DNAJC11: variants seen among roughly 807,000 people sequenced by gnomAD.
DNAJC11 encodes DnaJ heat shock protein family (Hsp40) member C11, also known as dnaJ homolog subfamily C member 11.
In DNAJC11, 15 loss-of-function variants were observed where a neutral mutation model predicts 78.6. The ratio of observed to expected loss-of-function variants is 0.19; its 90% CI spans 0.13 to 0.29. The LOEUF (loss-of-function observed/expected upper bound fraction) is 0.29. Ranked by LOEUF, DNAJC11 falls within the 10% of genes least tolerant of loss-of-function variation. The pLI is 1.00. For synonymous variants in DNAJC11, 292 were observed against 272.1 expected (o/e 1.07, Z -0.72); for missense variants, 547 against 709.6 (o/e 0.77, Z 2.60).
rs115118838 is a variant in DNAJC11, at chr1:6,690,045, G to A, written c.73-9008C>T. 7.0e-3 allele frequency among the ~76,000 whole-genome samples: 1,059 copies of A among 152,234 alleles called. 12 individuals are homozygous for A. Among genetic ancestry groups the A allele is most frequent in the African/African-American group, 0.024 (1,003 of 41,532 alleles). Reference sequence around the variant, plus strand: ...TTTACAGATAAAAATCCCGAGGATCGGAAAGATCAAGTGACTTATTGAAGA... The same window carrying A: ...TTTACAGATAAAAATCCCGAGGATCAGAAAGATCAAGTGACTTATTGAAGA... On this transcript the variant is annotated intron_variant, in intron 1 of 15. Transcript: ENST00000377577.
intron 1 of DNAJC11, among the ~76,000 whole-genome samples, chr1:6,699,670 G>A (rs187789127): frequency 6.6e-6 from 1 of 152,198 alleles, no homozygotes; most frequent in East Asian, 1.9e-4. Flanking sequence ...GGGTTGATGG[G>A]TGCAGCAAAC....
At chr1:6,686,294 T>A (rs1642655956) in intron 1 of DNAJC11, among the ~76,000 whole-genome samples, 5 of 152,198 alleles carry the variant, frequency 3.3e-5, no homozygotes, top group Admixed American at 3.3e-4. Flanking sequence ...AAAGGAATCC[T>A]AACACCAAAT....
At chr1:6,691,579 G>T (rs917771178) in intron 1 of DNAJC11, among the ~76,000 whole-genome samples, 1 of 152,162 alleles carries the variant, frequency 6.6e-6, no homozygotes, top group Non-Finnish European at 1.5e-5. Context: ...TGTCATTCGT[G>T]TTCATCCGTT....
Position 6,645,169 on chromosome 1 carries a change from G to T in DNAJC11, c.895-43C>A. On this transcript the variant is annotated intron_variant, in intron 8 of 15. Transcript: ENST00000377577. This position sits in a 1 kb window ranked among gnomAD's most constrained non-coding sequence, Gnocchi z 4.1. ...GCAAGGATGCGTGGCTAGGGCGTGTGACTCTGTGGGGAGATGGGTATCTGC... is the reference window on the plus strand; with the variant it reads ...GCAAGGATGCGTGGCTAGGGCGTGTTACTCTGTGGGGAGATGGGTATCTGC... 1 of 1,502,020 alleles carries T rather than the reference G, an allele frequency of 6.7e-7. No homozygotes were observed. The highest frequency in any genetic ancestry group is 1.1e-5 in the South Asian group (1 of 88,554). The allele number at this position is 1,502,020 out of a possible 1,614,324, so 93.0% of individuals were successfully genotyped here.
intron 4 of DNAJC11, among the ~76,000 whole-genome samples, chr1:6,662,849 G>A (rs112303086): frequency 2.0e-5 from 3 of 151,860 alleles, no homozygotes; most frequent in African/African-American, 7.3e-5. Context: ...CAACCTGCTC[G>A]GGTCCCCTTC....
rs1259865619 is a variant in DNAJC11, at chr1:6,680,478, T to C, written c.202+430A>G. The stretch of plus-strand genomic sequence containing the variant: ...TTTCCTATAAGCCTTCTTAACATCA[T>C]TTTCTTTCTTTTATTACAACCGATA... On this transcript the variant is annotated intron_variant, in intron 2 of 15. Transcript: ENST00000377577. The surrounding 1 kb of genome is among the most constrained non-coding windows in gnomAD (Gnocchi z 4.0). 6.6e-6 allele frequency among the ~76,000 whole-genome samples: 1 copy of C among 152,226 alleles called. No homozygotes were observed. The highest frequency in any genetic ancestry group is 1.5e-5 in the Non-Finnish European group (1 of 68,034).
intron 1 of DNAJC11, among the ~76,000 whole-genome samples, chr1:6,685,598 C>T (rs947780633): frequency 6.6e-6 from 1 of 152,172 alleles, no homozygotes; most frequent in Admixed American, 6.5e-5. Flanking sequence ...AATCAGGACT[C>T]ACCTGTATCA....
chr1:6,653,332 C>T lies in DNAJC11; in HGVS notation c.508-381G>A, dbSNP rs1012720544. Among the ~76,000 whole-genome samples, 3 of 152,160 alleles carry T rather than the reference C, an allele frequency of 2.0e-5. No individual in the cohort carries two copies. The highest frequency in any genetic ancestry group is 4.4e-5 in the Non-Finnish European group (3 of 68,030). ...CATGGCTGTATTCTGTATCAACTGA[C>T]TCAGGGAGCTCCAAGAGGGGGCAAA... On this transcript the variant is annotated intron_variant, in intron 5 of 15. Transcript: ENST00000377577. This position sits in a 1 kb window ranked among gnomAD's most constrained non-coding sequence, Gnocchi z 4.5.
chr1:6,693,536 A>C (rs569129663), intron 1 of DNAJC11, among the ~76,000 whole-genome samples: 5 of 151,840 alleles, frequency 3.3e-5, no homozygotes, highest in African/African-American at 1.2e-4. Flanking sequence ...GACGCCCACC[A>C]CCACACCCAG....
chr1:6,696,903 T>C (rs925624711), intron 1 of DNAJC11, among the ~76,000 whole-genome samples: 4 of 152,232 alleles, frequency 2.6e-5, no homozygotes, highest in African/African-American at 9.6e-5. Context: ...ATGAAATTCT[T>C]TCAAAGACAA....
intron 10 of DNAJC11, among the ~76,000 whole-genome samples, chr1:6,640,877 T>C (rs1408010490): frequency 6.6e-6 from 1 of 152,028 alleles, no homozygotes; most frequent in East Asian, 1.9e-4. Context: ...TATTGGTAAT[T>C]AGAGCCCCAG....
intron 1 of DNAJC11, among the ~76,000 whole-genome samples, chr1:6,698,442 C>T (rs1642873548): frequency 6.6e-6 from 1 of 152,122 alleles, no homozygotes; most frequent in African/African-American, 2.4e-5. Flanking sequence ...ACATCACCTT[C>T]AGAGCTTCTA....
At position 6,654,004 on chromosome 1, in the gene DNAJC11, A is replaced by T. The variant is rs1374413039; in HGVS notation, c.414T>A (p.Leu138=). The stretch of plus-strand genomic sequence containing the variant: ...CATACTCCTCATCATAGCGATCAAA[A>T]AGGTCGGTGGCATCTACTCCAACGC... ...TISVGVDATD[L]FDRYDEEYED... Residue 138 remains leucine (L), a synonymous_variant, in exon 5 of 16, where the codon CTT becomes CTA. Coordinates refer to ENST00000377577, the MANE Select transcript of DNAJC11 (RefSeq NM_018198.4). 9.3e-6 allele frequency: 15 copies of T among 1,613,330 alleles called. No homozygotes were observed. Among genetic ancestry groups the T allele is most frequent in the Non-Finnish European group, 1.3e-5 (15 of 1,179,498 alleles).
At chr1:6,668,480 T>C (rs984525051) in intron 3 of DNAJC11, among the ~76,000 whole-genome samples, 1 of 152,148 alleles carries the variant, frequency 6.6e-6, no homozygotes, top group African/African-American at 2.4e-5. Flanking sequence ...GAATCTCAGA[T>C]AACAAATGTT....
At chr1:6,640,140 G>A in intron 10 of DNAJC11, 83 bp from the exon 11 acceptor site, 1 of 1,450,234 alleles carries the variant, frequency 6.9e-7, no homozygotes, top group East Asian at 2.5e-5. Context: ...GTCAGGCACA[G>A]GAAGAGAACT....
At chr1:6,677,184 CGAA>C (rs1642478559) in intron 3 of DNAJC11, among the ~76,000 whole-genome samples, 1 of 131,494 alleles carries the variant, frequency 7.6e-6, no homozygotes, top group Non-Finnish European at 1.7e-5. Flanking sequence ...ACAAAAAAAA[CGAA>C]GGAACTTCAA....
chr1:6,672,515 A>G (rs1252030226), intron 3 of DNAJC11, among the ~76,000 whole-genome samples: 1 of 152,266 alleles, frequency 6.6e-6, no homozygotes, highest in African/African-American at 2.4e-5. Context: ...AAGGTGGCAG[A>G]TCATTCCATT....
intron 11 of DNAJC11, among the ~76,000 whole-genome samples, chr1:6,639,699 C>CA (rs1641844404): frequency 1.3e-5 from 2 of 152,204 alleles, no homozygotes; most frequent in Admixed American, 1.3e-4. Context: ...GAGATAACAG[C>CA]AGTCCAACTA....
At position 6,654,054 on chromosome 1, in the gene DNAJC11, C is replaced by T. The variant is rs769122341; in HGVS notation, c.379-15G>A. 1 of 1,611,044 alleles carries T rather than the reference C, an allele frequency of 6.2e-7. No individual in the cohort carries two copies. Among genetic ancestry groups the T allele is most frequent in the Non-Finnish European group, 8.5e-7 (1 of 1,177,662 alleles). The stretch of plus-strand genomic sequence containing the variant: ...CTGATCGTTCCCTGGGGCAGAAAAA[C>T]AAGCCGTCAGCAGAACGGGTGGTAT... On this transcript the variant is annotated splice_polypyrimidine_tract_variant and intron_variant, in intron 4 of 15. Coordinates refer to ENST00000377577, the MANE Select transcript of DNAJC11 (RefSeq NM_018198.4).
Sources: allele counts gnomAD v4.1 joint callset (sites outside exome capture counted in the v4.1 genomes callset), GRCh38; gene constraint gnomAD v4.1.1; non-coding constraint Gnocchi (gnomAD v3.1); transcripts MANE v1.5; gene names NCBI Gene and HGNC (gene_info 2026-07-23, HGNC 2026-07-21).